MAPKAP1: variants seen among roughly 807,000 people sequenced by gnomAD.
MAPKAP1 encodes target of rapamycin complex 2 subunit MAPKAP1.
A neutral mutation model predicts 65.7 loss-of-function variants in MAPKAP1; 20 were observed. The observed-to-expected ratio is 0.30, with a 90% CI of 0.21 to 0.44. MAPKAP1 has a LOEUF of 0.44. Ranked by LOEUF, MAPKAP1 falls within the 20% of genes least tolerant of loss-of-function variation. The probability of loss-of-function intolerance (pLI) is 1.00; values close to 1 mark genes in which losing one functional copy is unlikely to be tolerated. For synonymous variants in MAPKAP1, 222 were observed against 244.3 expected, an observed-to-expected ratio of 0.91 and a Z score of 0.85; for missense variants, 423 against 648.0, an observed-to-expected ratio of 0.65 and a Z score of 3.77.
intron 4 of MAPKAP1, among the ~76,000 whole-genome samples, chr9:125,635,902 T>A (rs1221693007): frequency 6.6e-6 from 1 of 152,140 alleles, no homozygotes; most frequent in Non-Finnish European, 1.5e-5. Context: ...AAGTAGGGGG[T>A]TGATAAGTTT....
chr9:125,456,696 G>A (rs921745887), intron 10 of MAPKAP1, among the ~76,000 whole-genome samples: 1 of 152,206 alleles, frequency 6.6e-6, no homozygotes, highest in Non-Finnish European at 1.5e-5. Context: ...AACTGAGGGT[G>A]TTCCCAAGGA....
intron 10 of MAPKAP1, among the ~76,000 whole-genome samples, chr9:125,446,704 G>C (rs1852730311): frequency 6.6e-6 from 1 of 152,120 alleles, no homozygotes; most frequent in East Asian, 1.9e-4. Flanking sequence ...GGGCTAGAAA[G>C]AACCAGAAGG....
intron 8 of MAPKAP1, among the ~76,000 whole-genome samples, chr9:125,500,706 TAC>T (rs1267952134): frequency 1.3e-5 from 2 of 152,206 alleles, no homozygotes; most frequent in African/African-American, 2.4e-5. Context: ...TCATTTTCAC[TAC>T]AGACACTTTA....
chr9:125,530,757 T>C (rs1344454821), intron 7 of MAPKAP1, among the ~76,000 whole-genome samples: 2 of 152,218 alleles, frequency 1.3e-5, no homozygotes, highest in South Asian at 2.1e-4. Context: ...AGGTAAAAAC[T>C]TTCTATAGAC....
At chr9:125,530,979 GTAT>G (rs1829917601) in intron 7 of MAPKAP1, among the ~76,000 whole-genome samples, 1 of 152,170 alleles carries the variant, frequency 6.6e-6, no homozygotes, top group African/African-American at 2.4e-5. Flanking sequence ...TGCAAGATAG[GTAT>G]TATTACCTCT....
chr9:125,458,795 G>A lies in MAPKAP1; in HGVS notation c.1345+9177C>T, dbSNP rs546724523. Among the ~76,000 whole-genome samples, 6 of 145,436 alleles carry A rather than the reference G, an allele frequency of 4.1e-5. No individual in the cohort carries two copies. In the East Asian group the frequency reaches 6.2e-4, roughly 15 times the overall value. ...TCTTCACATCCCAGAAGGGGCGGCC[G>A]GGCAGAGGCGCCCCTCACCTCCCGG... On this transcript the variant is annotated intron_variant, in intron 10 of 11. Transcript: ENST00000265960.
chr9:125,665,438 T>C (rs936683143), intron 3 of MAPKAP1, among the ~76,000 whole-genome samples: 3 of 152,160 alleles, frequency 2.0e-5, no homozygotes, highest in Admixed American at 6.5e-5. Context: ...AAGAAAGTTC[T>C]TTGTAATTCT....
intron 4 of MAPKAP1, among the ~76,000 whole-genome samples, chr9:125,638,521 C>T (rs915217224): frequency 3.3e-5 from 5 of 152,142 alleles, no homozygotes; most frequent in African/African-American, 1.2e-4. Context: ...ACAGAAAGAC[C>T]CATTGTTTTG....
At chr9:125,459,063 C>T (rs374014492) in intron 10 of MAPKAP1, among the ~76,000 whole-genome samples, 25 of 130,618 alleles carry the variant, frequency 1.9e-4, no homozygotes, top group South Asian at 8.3e-4. Flanking sequence ...TCAGACGGGG[C>T]GGTTGCCAGG....
chr9:125,698,617 C>T (rs1835504242), intron 1 of MAPKAP1, among the ~76,000 whole-genome samples: 1 of 151,894 alleles, frequency 6.6e-6, no homozygotes, highest in African/African-American at 2.4e-5. Context: ...GTTGGGATTA[C>T]AGGCATGAGC....
chr9:125,464,463 T>C (rs1853609875), intron 10 of MAPKAP1, among the ~76,000 whole-genome samples: 1 of 152,234 alleles, frequency 6.6e-6, no homozygotes, highest in Non-Finnish European at 1.5e-5. Context: ...CATGTTTTTT[T>C]TCTCCTTAAA....
rs904399285 is a variant in MAPKAP1, at chr9:125,669,111, C to T, written c.349+707G>A. 4.9e-4 allele frequency among the ~76,000 whole-genome samples: 73 copies of T among 150,110 alleles called. 2 individuals are homozygous for T. Among genetic ancestry groups the T allele is most frequent in the African/African-American group, 1.6e-3 (65 of 40,676 alleles). On this transcript the variant is annotated intron_variant, in intron 3 of 11. Transcript: ENST00000265960. ...AGGAGAATTGCTTGAACCAGGGAGG[C>T]GGAGGCTGCAGTGAGCCGAGATGGC...
chr9:125,478,173 TAAAC>T (rs781732709), intron 9 of MAPKAP1: 1 of 152,102 alleles, frequency 6.6e-6, no homozygotes, highest in Non-Finnish European at 1.5e-5. Context: ...CAGTGGCTGA[TAAAC>T]AACATCTAAA....
At chr9:125,594,240 C>T (rs1237722508) in intron 4 of MAPKAP1, among the ~76,000 whole-genome samples, 4 of 152,236 alleles carry the variant, frequency 2.6e-5, no homozygotes, top group South Asian at 2.1e-4. Context: ...TGATTTTTCT[C>T]AAATCACAGA....
At chr9:125,592,902 CAAA>C in intron 4 of MAPKAP1, among the ~76,000 whole-genome samples, 1 of 70,968 alleles carries the variant, frequency 1.4e-5, no homozygotes, top group Admixed American at 1.6e-4. Context: ...GACTCCGTCT[CAAA>C]AAAAAAAAAA....
chr9:125,650,860 C>T (rs930341499), intron 4 of MAPKAP1, among the ~76,000 whole-genome samples: 4 of 152,130 alleles, frequency 2.6e-5, no homozygotes, highest in African/African-American at 9.7e-5. Context: ...GACAAAAATC[C>T]CAATGTCCTC....
intron 9 of MAPKAP1, among the ~76,000 whole-genome samples, chr9:125,473,233 G>A (rs1853987847): frequency 6.6e-6 from 1 of 152,064 alleles, no homozygotes; most frequent in Non-Finnish European, 1.5e-5. Flanking sequence ...CTTCTTTCCA[G>A]CTCAGGCAGG....
chr9:125,624,651 T>G, intron 4 of MAPKAP1, among the ~76,000 whole-genome samples: 1 of 64,362 alleles, frequency 1.6e-5, no homozygotes. Context: ...AGCCGCCCCG[T>G]CCGGGAGGTG....
intron 4 of MAPKAP1, among the ~76,000 whole-genome samples, chr9:125,634,686 T>C (rs1222828814): frequency 6.6e-6 from 1 of 152,194 alleles, no homozygotes; most frequent in Non-Finnish European, 1.5e-5. Context: ...AAATTTCTCC[T>C]TGGCATATGA....
Sources: gnomAD v4.1 joint callset for allele counts (sites outside exome capture counted in the v4.1 genomes callset) on GRCh38, gnomAD v4.1.1 for gene constraint, MANE v1.5 for transcripts, NCBI Gene and HGNC (gene_info 2026-07-23, HGNC 2026-07-21) for gene names.